Variants in ACTN1 observed in about 807,000 individuals in gnomAD.
ACTN1 encodes alpha-actinin-1.
A neutral mutation model predicts 119.6 loss-of-function variants in ACTN1; 30 were observed. The observed-to-expected ratio is 0.25, with a 90% CI of 0.19 to 0.34. ACTN1 has a LOEUF of 0.34. Ranked by LOEUF, ACTN1 falls within the 10% of genes least tolerant of loss-of-function variation. The pLI is 1.00. For missense variants in ACTN1, 764 were observed against 1,223.4 expected, an observed-to-expected ratio of 0.62 and a Z score of 5.60; for synonymous variants, 429 against 472.6, an observed-to-expected ratio of 0.91 and a Z score of 1.20.
intron 1 of ACTN1, among the ~76,000 whole-genome samples, chr14:68,952,677 G>A (rs563127364): frequency 2.0e-5 from 3 of 152,034 alleles, no homozygotes; most frequent in South Asian, 2.1e-4. Context: ...ACCAGATGCG[G>A]TAGGGACTTT....
At position 68,878,249 on chromosome 14, in the gene ACTN1, G is replaced by A. The variant is rs570800763; in HGVS notation, c.2427+209C>T. The stretch of plus-strand genomic sequence containing the variant: ...GATGAAGTGGCACAGAGATTGAGGC[G>A]AGGAGGTCAGGCCTCCCGGATACAC... On this transcript the variant is annotated intron_variant, in intron 20 of 21. Transcript: ENST00000394419. The surrounding 1 kb of genome is among the most constrained non-coding windows in gnomAD (Gnocchi z 4.4). 4.0e-5 allele frequency: 23 copies of A among 574,290 alleles called. No individual in the cohort carries two copies. In the South Asian group the frequency reaches 4.5e-4, roughly 11 times the overall value. 35.6% of individuals were successfully genotyped at this position (574,290 alleles called of 1,614,324 possible).
chr14:68,885,756 C>A lies in ACTN1; in HGVS notation c.1235-181G>T. The A allele has an allele frequency of 1.5e-6, 1 of 673,668 alleles. No homozygotes were observed. Among genetic ancestry groups the A allele is most frequent in the Non-Finnish European group, 2.5e-6 (1 of 405,652 alleles). 41.7% of individuals were successfully genotyped at this position (673,668 alleles called of 1,614,324 possible). A position where few individuals can be genotyped will look rare whatever the true frequency, so the allele number is the denominator to read the frequency against. On this transcript the variant is annotated intron_variant, in intron 11 of 21. Coordinates refer to ENST00000394419, the MANE Select transcript of ACTN1 (RefSeq NM_001130004.2). This position sits in a 1 kb window ranked among gnomAD's most constrained non-coding sequence, Gnocchi z 5.6. The stretch of plus-strand genomic sequence containing the variant: ...TGCAACTAGAACATCCACCAACCGG[C>A]GCAACGGGGAAAAGCACTCTCCTCA...
At chr14:68,887,737 T>C (rs921021943) in intron 11 of ACTN1, 10 of 1,368,098 alleles carry the variant, frequency 7.3e-6, no homozygotes, top group Non-Finnish European at 1.0e-5. Flanking sequence ...TCCTCTGGAT[T>C]GTACAAGAAG....
At chr14:68,883,341 C>A in intron 14 of ACTN1, 1 of 371,522 alleles carries the variant, frequency 2.7e-6, no homozygotes, top group South Asian at 7.4e-5. Context: ...AGGCTCACTA[C>A]CCAGGTGACC....
chr14:68,884,628 G>A, intron 13 of ACTN1, 147 bp downstream of exon 13: 1 of 737,026 alleles, frequency 1.4e-6, no homozygotes, highest in Non-Finnish European at 2.3e-6. Flanking sequence ...CTGTGCCAAA[G>A]TGAATCTTCC....
chr14:68,898,805 C>T (rs1014457682), intron 8 of ACTN1, among the ~76,000 whole-genome samples: 59 of 151,896 alleles, frequency 3.9e-4, no homozygotes, highest in African/African-American at 1.3e-3. Flanking sequence ...ATGGTTGCAA[C>T]AGGGATGAGT....
rs956659110 is a variant in ACTN1 at position 68,878,273 on chromosome 14, A to G, written c.2427+185T>C. 2 of 777,842 alleles carry G rather than the reference A, an allele frequency of 2.6e-6. No individual in the cohort carries two copies. Among genetic ancestry groups the G allele is most frequent in the Admixed American group, 3.1e-5 (1 of 32,010 alleles). 48.2% of individuals were successfully genotyped at this position (777,842 alleles called of 1,614,324 possible). A position where few individuals can be genotyped will look rare whatever the true frequency, so the allele number is the denominator to read the frequency against. ...CGAGGAGGTCAGGCCTCCCGGATACACACACGCCCGTGGCCGGGCCGGCTT... is the reference window on the plus strand; with the variant it reads ...CGAGGAGGTCAGGCCTCCCGGATACGCACACGCCCGTGGCCGGGCCGGCTT... On this transcript the variant is annotated intron_variant, in intron 20 of 21. Transcript: ENST00000394419. The surrounding 1 kb of genome is among the most constrained non-coding windows in gnomAD (Gnocchi z 4.4).
intron 1 of ACTN1, among the ~76,000 whole-genome samples, chr14:68,974,853 C>T (rs1428425243): frequency 6.6e-6 from 1 of 152,198 alleles, no homozygotes; most frequent in Non-Finnish European, 1.5e-5. Context: ...GGGCTCTTTC[C>T]TAGAGACCCG....
In ACTN1 at chr14:68,877,209, A is replaced by G. The variant is rs2031003028; in HGVS notation, c.2459T>C (p.Ile820Thr). The stretch of plus-strand genomic sequence containing the variant: ...TACCCCCAGGCGGTTGGGGTCCACA[A>G]TGCTCATGATGCGGGCAAATTCTGC... ...GEAEFARIMS[I>T]VDPNRLGVVT... The change falls in exon 21 of 22, where the codon ATT becomes ACT. Residue 820 changes from isoleucine to threonine, a missense_variant. Coordinates refer to ENST00000394419, the MANE Select transcript of ACTN1 (RefSeq NM_001130004.2). 6 of 1,614,166 alleles carry G rather than the reference A, an allele frequency of 3.7e-6. No homozygotes were observed. In the South Asian group the frequency reaches 6.6e-5, roughly 18 times the overall value.
chr14:68,874,706 C>T lies in ACTN1; in HGVS notation c.*153G>A, dbSNP rs2030637111. 4.5e-6 allele frequency: 3 copies of T among 668,150 alleles called. No homozygotes were observed. Among genetic ancestry groups the T allele is most frequent in the African/African-American group, 1.8e-5 (1 of 54,092 alleles). The allele number at this position is 668,150 out of a possible 1,614,324, so 41.4% of individuals were successfully genotyped here. A position where few individuals can be genotyped will look rare whatever the true frequency, so the allele number is the denominator to read the frequency against. On this transcript the variant is annotated 3_prime_UTR_variant, in exon 22 of 22. Coordinates refer to ENST00000394419, the MANE Select transcript of ACTN1 (RefSeq NM_001130004.2). ...TGCAGAAAATAATTTTGTAAACTGT[C>T]ACTTCGCGGGCAGGGAGGATCGATG...
intron 1 of ACTN1, among the ~76,000 whole-genome samples, chr14:68,929,740 G>A (rs372531633): frequency 6.6e-6 from 1 of 152,120 alleles, no homozygotes; most frequent in Non-Finnish European, 1.5e-5. Context: ...CACCTGCCCC[G>A]GCCCTGCAGA....
At chr14:68,954,252 T>C (rs535546794) in intron 1 of ACTN1, among the ~76,000 whole-genome samples, 14 of 152,354 alleles carry the variant, frequency 9.2e-5, no homozygotes, top group African/African-American at 3.4e-4. Flanking sequence ...GTTAAATTCC[T>C]TCCCCAGGGT....
At chr14:68,887,658 C>T in intron 11 of ACTN1, 1 of 1,226,976 alleles carries the variant, frequency 8.2e-7, no homozygotes, top group Non-Finnish European at 1.1e-6. Flanking sequence ...GGTGGGATAC[C>T]CTCCTTCTTA....
chr14:68,909,816 C>A lies in ACTN1; in HGVS notation c.515+139G>T. 1.4e-6 allele frequency: 1 copy of A among 694,774 alleles called. No homozygotes were observed. 43.0% of individuals were successfully genotyped at this position (694,774 alleles called of 1,614,324 possible). A position where few individuals can be genotyped will look rare whatever the true frequency, so the allele number is the denominator to read the frequency against. ...GGGATTCAGAGCGATGGCGACATCC[C>A]CTTCCCAAGGAAAGCTACTTCTTCC... On this transcript the variant is annotated intron_variant, in intron 5 of 21. Transcript: ENST00000394419. This position sits in a 1 kb window ranked among gnomAD's most constrained non-coding sequence, Gnocchi z 4.1.
At chr14:68,884,604 G>T (rs905499083) in intron 13 of ACTN1, among the ~76,000 whole-genome samples, 171 bp downstream of exon 13, 1 of 152,236 alleles carries the variant, frequency 6.6e-6, no homozygotes, top group African/African-American at 2.4e-5. Context: ...CGCCATGAGG[G>T]CAAAGTCCAA....
chr14:68,891,959 G>A (rs930174735), intron 10 of ACTN1, 94 bp downstream of exon 10: 26 of 1,461,456 alleles, frequency 1.8e-5, no homozygotes, highest in East Asian at 4.7e-5. Context: ...ACGCCCATCC[G>A]CACCCCCATA....
chr14:68,928,837 C>T (rs1054760647), intron 1 of ACTN1, among the ~76,000 whole-genome samples: 5 of 152,114 alleles, frequency 3.3e-5, no homozygotes, highest in African/African-American at 1.2e-4. Context: ...ACTCTCCTGT[C>T]GTAGGTCCCA....
intron 20 of ACTN1, chr14:68,877,739 C>A: frequency 6.2e-6 from 1 of 160,146 alleles, no homozygotes. Flanking sequence ...CTGTTCTCTC[C>A]CCACCACACT....
At chr14:68,955,050 C>T (rs1396642455) in intron 1 of ACTN1, among the ~76,000 whole-genome samples, 1 of 152,198 alleles carries the variant, frequency 6.6e-6, no homozygotes, top group Admixed American at 6.5e-5. Flanking sequence ...AGCCTCCATG[C>T]CACACTCAAT....
Sources: allele counts gnomAD v4.1 joint callset (sites outside exome capture counted in the v4.1 genomes callset), GRCh38; gene constraint gnomAD v4.1.1; non-coding constraint Gnocchi (gnomAD v3.1); transcripts MANE v1.5; gene names NCBI Gene and HGNC (gene_info 2026-07-23, HGNC 2026-07-21).